Variants in GALNT13 observed in about 807,000 individuals in gnomAD.
The protein encoded by GALNT13 is polypeptide N-acetylgalactosaminyltransferase 13, also known as UDP-GalNAc:polypeptide N-acetylgalactosaminyltransferase 13.
Under a neutral mutation model 64.2 loss-of-function variants are expected in GALNT13, and 28 were observed. The ratio of observed to expected loss-of-function variants is 0.44; its 90% CI spans 0.32 to 0.60. GALNT13 has a LOEUF of 0.60. GALNT13 is among the 20% of genes least tolerant of loss of function. The pLI is 0.05. For synonymous variants in GALNT13, 214 were observed against 224.6 expected, an observed-to-expected ratio of 0.95 and a Z score of 0.42; for missense variants, 577 against 669.8, an observed-to-expected ratio of 0.86 and a Z score of 1.53.
the GALNT13 span, among the ~76,000 whole-genome samples, chr2:153,442,989 C>T: frequency 4.6e-5 from 7 of 152,126 alleles, no homozygotes; most frequent in Non-Finnish European, 7.4e-5. Context: ...GGGCTCTTTG[C>T]GGGGTGGGAT....
chr2:153,219,045 A>C, the GALNT13 span, among the ~76,000 whole-genome samples: 4 of 152,246 alleles, frequency 2.6e-5, no homozygotes. Context: ...TATATATGAA[A>C]CAGAATAGTT....
At chr2:154,022,962 T>C (rs1275084585) in intron 3 of GALNT13, among the ~76,000 whole-genome samples, 3 of 152,230 alleles carry the variant, frequency 2.0e-5, no homozygotes, top group Non-Finnish European at 4.4e-5. Context: ...TACCCAGTTG[T>C]CATTCAGGAG....
At chr2:153,823,404 T>A in the GALNT13 span, among the ~76,000 whole-genome samples, 1 of 152,102 alleles carries the variant, frequency 6.6e-6, no homozygotes, top group Non-Finnish European at 1.5e-5. Context: ...CAAAACAGCA[T>A]GGTACTGGTA....
chr2:154,346,385 G>C (rs1339204794), intron 9 of GALNT13, among the ~76,000 whole-genome samples: 2 of 151,934 alleles, frequency 1.3e-5, no homozygotes, highest in Non-Finnish European at 2.9e-5. Flanking sequence ...ATACAGTTTG[G>C]CTGTGTCCCT....
the GALNT13 span, chr2:153,478,374 C>A: frequency 1.9e-6 from 3 of 1,613,354 alleles, no homozygotes; most frequent in African/African-American, 4.0e-5. Flanking sequence ...TGAGTGAGAG[C>A]ACGCACATGA....
At chr2:153,109,092 G>A in the GALNT13 span, among the ~76,000 whole-genome samples, 141 of 152,252 alleles carry the variant, frequency 9.3e-4, no homozygotes, top group African/African-American at 3.3e-3. Context: ...TTGACTTGCT[G>A]TAGAACTACT....
At chr2:153,264,798 G>A in the GALNT13 span, among the ~76,000 whole-genome samples, 1 of 152,176 alleles carries the variant, frequency 6.6e-6, no homozygotes, top group African/African-American at 2.4e-5. Flanking sequence ...GGGGCCTGTT[G>A]TGGGGAGGCA....
chr2:154,289,091 C>T, intron 8 of GALNT13, among the ~76,000 whole-genome samples: 1 of 152,220 alleles, frequency 6.6e-6, no homozygotes, highest in East Asian at 1.9e-4. Context: ...GGCAGAGGTT[C>T]CCAAACCTCA....
the GALNT13 span, among the ~76,000 whole-genome samples, chr2:153,724,432 A>T: frequency 8.5e-6 from 1 of 117,434 alleles, no homozygotes. Context: ...AAGCAATGGC[A>T]ACCAAAGCCA....
chr2:154,149,865 A>G (rs920416719), intron 4 of GALNT13, among the ~76,000 whole-genome samples: 44 of 152,302 alleles, frequency 2.9e-4, no homozygotes, highest in African/African-American at 9.6e-4. Context: ...CAGTCATGTC[A>G]TCTGCAAACA....
the GALNT13 span, among the ~76,000 whole-genome samples, chr2:153,554,389 A>G: frequency 6.6e-6 from 1 of 152,178 alleles, no homozygotes; most frequent in African/African-American, 2.4e-5. Context: ...AGGAAACAAA[A>G]CTTGGTCAGT....
intron 1 of GALNT13, among the ~76,000 whole-genome samples, chr2:153,874,466 T>C (rs1039977177): frequency 3.9e-5 from 6 of 152,080 alleles, no homozygotes; most frequent in African/African-American, 1.4e-4. Context: ...AATAGAAAGC[T>C]TTTCTAAAGG....
the GALNT13 span, among the ~76,000 whole-genome samples, chr2:153,866,214 T>C: frequency 3.1e-5 from 4 of 130,986 alleles, no homozygotes; most frequent in Non-Finnish European, 6.5e-5. Flanking sequence ...TAATGCTAGA[T>C]GACGAGTTAG....
intron 3 of GALNT13, among the ~76,000 whole-genome samples, chr2:154,042,970 A>G (rs1699067276): frequency 6.6e-6 from 1 of 152,010 alleles, no homozygotes; most frequent in African/African-American, 2.4e-5. Context: ...GCATATGACT[A>G]TGTTGAAGAA....
At chr2:153,941,780 T>C (rs1278620667) in intron 2 of GALNT13, among the ~76,000 whole-genome samples, 1 of 152,134 alleles carries the variant, frequency 6.6e-6, no homozygotes, top group Non-Finnish European at 1.5e-5. Context: ...GTGTAGGTGT[T>C]TTCAAAATAT....
chr2:154,005,756 A>G (rs1227136608), intron 3 of GALNT13, among the ~76,000 whole-genome samples: 6 of 152,188 alleles, frequency 3.9e-5, no homozygotes, highest in Non-Finnish European at 2.9e-5. Flanking sequence ...GCTGCTATCA[A>G]GAGAAGCTAG....
intron 12 of GALNT13, among the ~76,000 whole-genome samples, chr2:154,447,803 AAG>A (rs1186910372): frequency 1.3e-5 from 2 of 152,034 alleles, no homozygotes; most frequent in Non-Finnish European, 2.9e-5. Context: ...CTTTTGCACA[AAG>A]AGAACTTATG....
At chr2:154,068,358 C>G (rs1700573593) in intron 3 of GALNT13, among the ~76,000 whole-genome samples, 1 of 151,868 alleles carries the variant, frequency 6.6e-6, no homozygotes, top group African/African-American at 2.4e-5. Flanking sequence ...AATCCCACTT[C>G]TAGGTATATA....
the GALNT13 span, among the ~76,000 whole-genome samples, chr2:153,241,614 C>A: frequency 6.0e-3 from 910 of 151,688 alleles, 6 homozygotes; most frequent in African/African-American, 0.021. Flanking sequence ...GGTATACCAG[C>A]AAAATGTGTA....
Sources: allele counts gnomAD v4.1 joint callset (sites outside exome capture counted in the v4.1 genomes callset), GRCh38; gene constraint gnomAD v4.1.1; transcripts MANE v1.5; gene names NCBI Gene and HGNC (gene_info 2026-07-23, HGNC 2026-07-21).